YES1: variants seen among roughly 807,000 people sequenced by gnomAD.
The protein encoded by YES1 is YES proto-oncogene 1, Src family tyrosine kinase.
In YES1, 39 loss-of-function variants were observed where a neutral mutation model predicts 70.4. The ratio of observed to expected loss-of-function variants is 0.55; its 90% confidence interval spans 0.43 to 0.72. The LOEUF is 0.72. Ranked by LOEUF, YES1 falls within the 30% of genes least tolerant of loss-of-function variation. YES1 has a pLI of 0.00. For synonymous variants in YES1, 198 were observed against 218.6 expected (o/e 0.91, Z 0.83); for missense variants, 495 against 644.8 (o/e 0.77, Z 2.52).
intron 10 of YES1, among the ~76,000 whole-genome samples, chr18:734,186 G>A (rs2080124325): frequency 6.6e-6 from 1 of 151,966 alleles, no homozygotes; most frequent in South Asian, 2.1e-4. Context: ...GGCTGAGGCA[G>A]GAGAATTGCT....
intron 1 of YES1, among the ~76,000 whole-genome samples, chr18:765,217 G>C (rs1468730992): frequency 7.3e-6 from 1 of 137,164 alleles, no homozygotes; most frequent in Non-Finnish European, 1.5e-5. Flanking sequence ...TCAACTTCAA[G>C]ACACTGGACA....
chr18:756,876 C>T (rs2080414447), intron 1 of YES1, 41 bp from the exon 2 acceptor site: 1 of 1,532,928 alleles, frequency 6.5e-7, no homozygotes, highest in Non-Finnish European at 8.8e-7. Context: ...AGTTAACACA[C>T]AGGATACTTC....
chr18:773,193 AGAGATG>A (rs1905231874), intron 1 of YES1, among the ~76,000 whole-genome samples: 1 of 152,252 alleles, frequency 6.6e-6, no homozygotes, highest in African/African-American at 2.4e-5. Flanking sequence ...TTTCTTTAAT[AGAGATG>A]AAGTCAAAAA....
intron 1 of YES1, chr18:775,094 T>C (rs1050005898): frequency 6.6e-6 from 1 of 152,242 alleles, no homozygotes; most frequent in African/African-American, 2.4e-5. Flanking sequence ...TCAACCTTTC[T>C]GTGTCCCAGT....
Position 812,085 on chromosome 18 carries a change from C to A in YES1, c.-9+29G>T, listed in dbSNP as rs1043933719. 24 of 153,574 alleles carry A rather than the reference C, an allele frequency of 1.6e-4. 1 individual carries two copies. The highest frequency in any genetic ancestry group is 5.8e-4 in the African/African-American group (24 of 41,538). The allele number at this position is 153,574 out of a possible 1,614,324, so 9.5% of individuals were successfully genotyped here. A position where few individuals can be genotyped will look rare whatever the true frequency, so the allele number is the denominator to read the frequency against. On this transcript the variant is annotated intron_variant, in intron 1 of 11. Coordinates refer to ENST00000314574, the MANE Select transcript of YES1 (RefSeq NM_005433.4). Reference sequence around the variant, plus strand: ...CCTGTCCGGGCAGAGGTGGAACCCTCCGCCCGCGGGGCCCCACCGGGTCCT... The same window carrying A: ...CCTGTCCGGGCAGAGGTGGAACCCTACGCCCGCGGGGCCCCACCGGGTCCT...
Position 743,561 on chromosome 18 carries a change from G to A in YES1, c.725-146C>T, listed in dbSNP as rs187534230. 8 of 616,692 alleles carry A rather than the reference G, an allele frequency of 1.3e-5. No homozygotes were observed. In the Admixed American group the frequency reaches 2.7e-4, roughly 21 times the overall value. The allele number at this position is 616,692 out of a possible 1,614,324, so 38.2% of individuals were successfully genotyped here. A position where few individuals can be genotyped will look rare whatever the true frequency, so the allele number is the denominator to read the frequency against. ...TCTAAAAGCACAAAACAAAAAGGGAGTTGTCCATAAGCAGCAAAACATGAA... is the reference window on the plus strand; with the variant it reads ...TCTAAAAGCACAAAACAAAAAGGGAATTGTCCATAAGCAGCAAAACATGAA... On this transcript the variant is annotated intron_variant, in intron 6 of 11. Transcript: ENST00000314574.
At chr18:767,046 C>T (rs899996874) in intron 1 of YES1, among the ~76,000 whole-genome samples, 9 of 151,904 alleles carry the variant, frequency 5.9e-5, no homozygotes, top group Non-Finnish European at 7.4e-5. Flanking sequence ...AGATTTTCTA[C>T]ATGTTCATCT....
chr18:751,147 A>T (rs1452800823), intron 3 of YES1, among the ~76,000 whole-genome samples: 1 of 152,194 alleles, frequency 6.6e-6, no homozygotes, highest in African/African-American at 2.4e-5. Flanking sequence ...GACCATAAAT[A>T]TATATTTTGA....
chr18:782,763 C>T (rs1242973987), intron 1 of YES1, among the ~76,000 whole-genome samples: 1 of 152,186 alleles, frequency 6.6e-6, no homozygotes, highest in African/African-American at 2.4e-5. Context: ...GGCACAATCT[C>T]GGCTCACTGC....
chr18:776,517 A>G (rs1262850748), intron 1 of YES1, among the ~76,000 whole-genome samples: 3 of 152,220 alleles, frequency 2.0e-5, no homozygotes, highest in African/African-American at 7.2e-5. Context: ...CCATTGTTCT[A>G]TAGGGTTGTC....
At chr18:731,267 C>T (rs2080084572) in intron 11 of YES1, among the ~76,000 whole-genome samples, 1 of 152,132 alleles carries the variant, frequency 6.6e-6, no homozygotes, top group African/African-American at 2.4e-5. Flanking sequence ...AGAGTTCAAG[C>T]TACAAGAGAC....
Position 756,602 on chromosome 18 carries a change from A to G in YES1, c.226T>C (p.Ser76Pro), listed in dbSNP as rs1350770505. The G allele has an allele frequency of 6.2e-7, 1 of 1,614,064 alleles. No homozygotes were observed. The highest frequency in any genetic ancestry group is 8.5e-7 in the Non-Finnish European group (1 of 1,180,042). The change falls in exon 2 of 12, where the codon TCC becomes CCC. Residue 76 changes from serine (S) to proline (P), a missense_variant. Transcript: ENST00000314574. ...SGVTPFGGAS[S>P]SFSVVPSSYP... ...GAACTTGGCACCACTGAAAATGAGG[A>G]AGATGCACCTCCAAAAGGCGTTACC...
intron 1 of YES1, among the ~76,000 whole-genome samples, chr18:785,193 T>C (rs1905873818): frequency 1.3e-5 from 2 of 152,084 alleles, no homozygotes; most frequent in Admixed American, 6.6e-5. Flanking sequence ...GTTAGTTTTA[T>C]TGTATTTTAT....
At chr18:733,782 CAAAAAAAAAAA>C (rs71174280) in intron 10 of YES1, among the ~76,000 whole-genome samples, 15 of 59,240 alleles carry the variant, frequency 2.5e-4, no homozygotes, top group Admixed American at 1.3e-3. Flanking sequence ...GACTCCGTCT[CAAAAAAAAAAA>C]AAAAAAAAAA....
intron 10 of YES1, chr18:735,682 C>T (rs1193802131): frequency 6.6e-6 from 1 of 152,194 alleles, no homozygotes. Flanking sequence ...CCGCTACACT[C>T]CAGCCTGGGC....
At chr18:728,101 C>A (rs1035081362) in intron 11 of YES1, among the ~76,000 whole-genome samples, 5 of 152,086 alleles carry the variant, frequency 3.3e-5, no homozygotes, top group Admixed American at 2.0e-4. Flanking sequence ...TTTGGGAGGA[C>A]AGGGCAGGCA....
intron 1 of YES1, among the ~76,000 whole-genome samples, chr18:764,231 A>AT (rs1403663923): frequency 5.9e-5 from 9 of 151,278 alleles, no homozygotes; most frequent in Non-Finnish European, 1.2e-4. Context: ...CCAGTTTTTT[A>AT]TTTTTTTTGA....
rs570496446 is a variant in YES1, at chr18:739,781, T to A, written c.1091A>T (p.Asp364Val). Residue 364 changes from aspartate to valine, a missense_variant, in exon 9 of 12, where the codon GAT (aspartate) becomes GTT (valine). Physicochemically the swap from Asp to Val is radical, Grantham distance 152. Around this residue, in one of 2 missense-constraint regions of YES1, gnomAD observed 385 missense variants for 540.9 expected, o/e 0.71. Transcript: ENST00000314574. ...CTGTGGAAGCTTCAAATACTTTCCA[T>A]CTCCTTCCTTAAGGAAATCTAATAA... is the stretch of plus-strand genomic sequence containing the variant. The part of the protein sequence containing the change: ...GSLLDFLKEG[D>V]GKYLKLPQLV... The A allele has an allele frequency of 6.8e-6, 11 of 1,612,352 alleles. No homozygotes were observed. The highest frequency in any genetic ancestry group is 9.3e-6 in the Non-Finnish European group (11 of 1,179,648).
chr18:807,343 A>C (rs915583154), intron 1 of YES1, among the ~76,000 whole-genome samples: 4 of 151,598 alleles, frequency 2.6e-5, no homozygotes, highest in African/African-American at 9.7e-5. Flanking sequence ...AAAAAAAAAA[A>C]AAAAAATTAG....
Sources: allele counts gnomAD v4.1 joint callset (sites outside exome capture counted in the v4.1 genomes callset), GRCh38; gene constraint gnomAD v4.1.1; regional missense constraint gnomAD v4.1.1; transcripts MANE v1.5; gene names NCBI Gene and HGNC (gene_info 2026-07-23, HGNC 2026-07-21).